Variants in SENP7 observed in about 807,000 individuals in gnomAD.
SENP7 encodes the protein SUMO specific peptidase 7, also known as sentrin-specific protease 7.
Under a neutral mutation model 141.2 loss-of-function variants are expected in SENP7, and 64 were observed. The observed-to-expected ratio is 0.45, with a 90% CI of 0.37 to 0.56. The LOEUF is 0.56. SENP7 is among the 20% of genes least tolerant of loss of function. The probability of loss-of-function intolerance (pLI) is 0.00; values close to 1 mark genes in which losing one functional copy is unlikely to be tolerated. For synonymous variants in SENP7, 382 were observed against 426.4 expected (o/e 0.90, Z 1.28); for missense variants, 1,025 against 1,212.2 (o/e 0.85, Z 2.29).
chr3:101,333,332 T>G (rs2059104110), intron 17 of SENP7: 1 of 153,396 alleles, frequency 6.5e-6, no homozygotes, highest in Non-Finnish European at 1.4e-5. Context: ...TCACTTGAGA[T>G]CAGGAGTTCA....
intron 3 of SENP7, among the ~76,000 whole-genome samples, chr3:101,481,530 G>A (rs2064480780): frequency 6.6e-6 from 1 of 152,132 alleles, no homozygotes; most frequent in African/African-American, 2.4e-5. Flanking sequence ...TTGGTTAATG[G>A]CTACAAACAT....
intron 4 of SENP7, among the ~76,000 whole-genome samples, chr3:101,430,389 T>C (rs2062118199): frequency 6.6e-6 from 1 of 152,184 alleles, no homozygotes; most frequent in Admixed American, 6.5e-5. Context: ...TATTCAGAGA[T>C]TCAATTTCTT....
At chr3:101,421,714 A>T (rs894142593) in intron 4 of SENP7, among the ~76,000 whole-genome samples, 24 of 152,232 alleles carry the variant, frequency 1.6e-4, no homozygotes, top group African/African-American at 5.8e-4. Flanking sequence ...TCTGACTAAA[A>T]ATATCCGGCA....
chr3:101,387,917 C>A (rs939607808), intron 6 of SENP7, among the ~76,000 whole-genome samples: 1 of 152,176 alleles, frequency 6.6e-6, no homozygotes, highest in Non-Finnish European at 1.5e-5. Flanking sequence ...TGGCTTCTGG[C>A]GGACTGAGTA....
chr3:101,427,138 CATCACGAT>C (rs1157220476), intron 4 of SENP7, among the ~76,000 whole-genome samples: 2 of 152,100 alleles, frequency 1.3e-5, no homozygotes, highest in African/African-American at 2.4e-5. Context: ...AAAGCTTATT[CATCACGAT>C]CAAGCAGGCT....
chr3:101,398,243 A>C (rs1023575713), intron 6 of SENP7, among the ~76,000 whole-genome samples: 2 of 152,210 alleles, frequency 1.3e-5, no homozygotes, highest in Admixed American at 6.5e-5. Context: ...GCAGATCACA[A>C]GGTCAGGAGA....
chr3:101,507,988 G>A (rs1202965411), intron 1 of SENP7, among the ~76,000 whole-genome samples: 1 of 141,444 alleles, frequency 7.1e-6, no homozygotes, highest in Non-Finnish European at 1.5e-5. Flanking sequence ...GGCAGAGGTC[G>A]CAGTGAGCTG....
At chr3:101,356,621 A>T (rs551663419) in intron 11 of SENP7, among the ~76,000 whole-genome samples, 2 of 152,278 alleles carry the variant, frequency 1.3e-5, no homozygotes, top group East Asian at 3.9e-4. Flanking sequence ...AAATTCTTTG[A>T]TATTTACATA....
intron 4 of SENP7, among the ~76,000 whole-genome samples, chr3:101,423,415 G>A (rs916548128): frequency 6.6e-6 from 1 of 152,146 alleles, no homozygotes; most frequent in Non-Finnish European, 1.5e-5. Flanking sequence ...TGTTGGCAGG[G>A]GTGTGGAGAA....
chr3:101,417,707 T>C lies in SENP7; in HGVS notation c.368A>G (p.Asn123Ser). The C allele has an allele frequency of 6.2e-7, 1 of 1,613,996 alleles. No homozygotes were observed. The highest frequency in any genetic ancestry group is 1.1e-5 in the South Asian group (1 of 91,082). The change falls in exon 5 of 24, where the codon AAT becomes AGT. Residue 123 changes from asparagine (N) to serine (S), a missense_variant. Asn to Ser is a conservative substitution (Grantham distance 46). Around this residue, in one of 4 missense-constraint regions of SENP7, gnomAD observed 496 missense variants for 503.5 expected, o/e 0.99. Transcript: ENST00000394095. ...TTGCACCTTGTTGGCATCACATAAA[T>C]TAGCATCGTTTCTAGGTAGGGTCTT... The part of the protein sequence containing the change: ...FRKTLPRNDA[N>S]LCDANKVQSD...
chr3:101,463,341 C>A (rs2063612634), intron 3 of SENP7, among the ~76,000 whole-genome samples: 1 of 97,636 alleles, frequency 1.0e-5, no homozygotes. Flanking sequence ...ACAGCAAAAC[C>A]ATGTATCATA....
chr3:101,357,810 A>G, intron 11 of SENP7: 3 of 595,402 alleles, frequency 5.0e-6, no homozygotes. Flanking sequence ...AACCCTTACT[A>G]CACATAAGAA....
chr3:101,408,207 T>C (rs188834047), intron 5 of SENP7, among the ~76,000 whole-genome samples: 2 of 152,118 alleles, frequency 1.3e-5, no homozygotes, highest in Admixed American at 6.5e-5. Flanking sequence ...CCTGGAAAGA[T>C]AGAACCCTCC....
rs536232542 is a variant in SENP7 at position 101,491,181 on chromosome 3, G to C, written c.186+2692C>G. ...ATTGTTTCCCAGGCTGGAGTATAGT[G>C]GCACAATCATAGCTTTCTTTAATCT... On this transcript the variant is annotated intron_variant, in intron 3 of 23. Coordinates refer to ENST00000394095, the MANE Select transcript of SENP7 (RefSeq NM_020654.5). 2.7e-5 allele frequency among the ~76,000 whole-genome samples: 4 copies of C among 148,596 alleles called. No individual in the cohort carries two copies. The Admixed American group carries it at 2.7e-4, about 10-fold the overall frequency.
chr3:101,372,339 G>GA (rs200352753), intron 6 of SENP7, among the ~76,000 whole-genome samples: 1 of 151,512 alleles, frequency 6.6e-6, no homozygotes, highest in Non-Finnish European at 1.5e-5. Context: ...TGTTTAGGGG[G>GA]AAAAAAAATG....
chr3:101,459,817 T>A (rs2063491826), intron 3 of SENP7, among the ~76,000 whole-genome samples: 1 of 152,164 alleles, frequency 6.6e-6, no homozygotes, highest in South Asian at 2.1e-4. Flanking sequence ...ATGTTAAGGT[T>A]GCTCGACTAA....
chr3:101,492,201 T>C (rs927651685), intron 3 of SENP7, among the ~76,000 whole-genome samples: 4 of 152,042 alleles, frequency 2.6e-5, no homozygotes, highest in Non-Finnish European at 5.9e-5. Flanking sequence ...AGCAAAACTT[T>C]GTCTCTGCAA....
intron 3 of SENP7, among the ~76,000 whole-genome samples, chr3:101,476,324 C>G (rs2064215613): frequency 6.6e-6 from 1 of 151,992 alleles, no homozygotes; most frequent in South Asian, 2.1e-4. Context: ...TGTTCAACTC[C>G]CACTTATGAG....
intron 3 of SENP7, among the ~76,000 whole-genome samples, chr3:101,485,333 C>T (rs551666336): frequency 7.9e-5 from 12 of 152,026 alleles, no homozygotes; most frequent in Non-Finnish European, 1.8e-4. Context: ...AACACCAAAG[C>T]TAAGAACCCT....
Sources: allele counts gnomAD v4.1 joint callset (sites outside exome capture counted in the v4.1 genomes callset), GRCh38; gene constraint gnomAD v4.1.1; regional missense constraint gnomAD v4.1.1; transcripts MANE v1.5; gene names NCBI Gene and HGNC (gene_info 2026-07-23, HGNC 2026-07-21).